Variants in RAB10 observed in about 807,000 individuals in gnomAD.
The protein encoded by RAB10 is ras-related protein Rab-10.
In RAB10, 5 loss-of-function variants were observed where a neutral mutation model predicts 25.7. That is an observed-to-expected ratio of 0.19 (90% CI 0.10 to 0.41). The LOEUF is 0.41. RAB10 is among the 10% of genes least tolerant of loss of function. RAB10 has a pLI of 1.00. For missense variants in RAB10, 103 were observed against 245.8 expected (o/e 0.42, Z 3.89); for synonymous variants, 89 against 86.4 (o/e 1.03, Z -0.16).
intron 1 of RAB10, among the ~76,000 whole-genome samples, chr2:26,084,243 C>T (rs191465890): frequency 6.6e-6 from 1 of 152,146 alleles, no homozygotes; most frequent in Non-Finnish European, 1.5e-5. Context: ...TCCTCCTGTT[C>T]TTGTTCATAG....
chr2:26,090,096 A>G lies in RAB10; in HGVS notation c.128-8566A>G, dbSNP rs140646310. ...GGTTGCTCTCTAGGCAATTTTGTCT[A>G]CCCTTTACTTCACACTGTTGAATGG... On this transcript the variant is annotated intron_variant, in intron 1 of 5. Transcript: ENST00000264710. Among the ~76,000 whole-genome samples, 520 of 152,150 alleles carry G rather than the reference A, an allele frequency of 3.4e-3. 4 individuals carry two copies. The highest frequency in any genetic ancestry group is 8.7e-3 in the African/African-American group (360 of 41,530).
intron 1 of RAB10, among the ~76,000 whole-genome samples, chr2:26,093,930 G>A (rs1210926738): frequency 6.6e-6 from 1 of 152,132 alleles, no homozygotes; most frequent in African/African-American, 2.4e-5. Context: ...GGTGTTAACT[G>A]TGTTGCTCAG....
Position 26,086,029 on chromosome 2 carries a change from A to G in RAB10, c.128-12633A>G, listed in dbSNP as rs1440511743. On this transcript the variant is annotated intron_variant, in intron 1 of 5. Coordinates refer to ENST00000264710, the MANE Select transcript of RAB10 (RefSeq NM_016131.5). ...AAAAAAAAAAAAAAGGGGGGGGGCAAAGGGGCCCGATGCGGTAGCTCACGC... is the reference window on the plus strand; with the variant it reads ...AAAAAAAAAAAAAAGGGGGGGGGCAGAGGGGCCCGATGCGGTAGCTCACGC... Among the ~76,000 whole-genome samples, 5 of 140,422 alleles carry G rather than the reference A, an allele frequency of 3.6e-5. No individual in the cohort carries two copies. The East Asian group carries it at 1.2e-3, about 33-fold the overall frequency. 92.1% of individuals were successfully genotyped at this position (140,422 alleles called of 152,430 possible).
At chr2:26,088,584 T>C (rs1488640637) in intron 1 of RAB10, among the ~76,000 whole-genome samples, 1 of 152,134 alleles carries the variant, frequency 6.6e-6, no homozygotes, top group Admixed American at 6.6e-5. Flanking sequence ...TATAAGCTTT[T>C]CCACCCTGTT....
chr2:26,131,775 A>G (rs1027224306), intron 5 of RAB10, among the ~76,000 whole-genome samples: 35 of 152,198 alleles, frequency 2.3e-4, no homozygotes, highest in African/African-American at 8.0e-4. Flanking sequence ...TCTTTTTAAC[A>G]GATGAGGTAA....
chr2:26,050,246 C>A (rs571074760), intron 1 of RAB10, among the ~76,000 whole-genome samples: 1 of 152,288 alleles, frequency 6.6e-6, no homozygotes, highest in South Asian at 2.1e-4. Context: ...GAGTGTTTGA[C>A]AAGGCATAGA....
chr2:26,083,812 C>T (rs564308133), intron 1 of RAB10, among the ~76,000 whole-genome samples: 1 of 152,140 alleles, frequency 6.6e-6, no homozygotes. Context: ...AGCAGCTGCA[C>T]CTGCTTAATC....
In RAB10 at chr2:26,085,424, GGTT is replaced by G. The variant is rs563115348; in HGVS notation, c.128-13235_128-13233del. Among the ~76,000 whole-genome samples, 627 of 151,574 alleles carry G rather than the reference GGTT, an allele frequency of 4.1e-3. 3 individuals carry two copies. The highest frequency in any genetic ancestry group is 0.015 in the African/African-American group (605 of 41,280). ...AGAATCGCTTGATCTGGGAGGCAGA[GGTT>G]GTGATGAGCTGAGATTGCGCCACTG... is the stretch of plus-strand genomic sequence containing the variant. On this transcript the variant is annotated intron_variant, in intron 1 of 5. Coordinates refer to ENST00000264710, the MANE Select transcript of RAB10 (RefSeq NM_016131.5).
intron 3 of RAB10, among the ~76,000 whole-genome samples, chr2:26,113,347 G>A (rs1241264380): frequency 6.6e-6 from 1 of 152,104 alleles, no homozygotes; most frequent in Non-Finnish European, 1.5e-5. Flanking sequence ...GCCGAGGCAA[G>A]TGGATCACCT....
At chr2:26,105,254 A>G (rs1326174423) in intron 2 of RAB10, among the ~76,000 whole-genome samples, 1 of 152,178 alleles carries the variant, frequency 6.6e-6, no homozygotes, top group African/African-American at 2.4e-5. Flanking sequence ...TCATCTCTGA[A>G]TCTTAGAATG....
At chr2:26,097,617 C>A (rs1288703660) in intron 1 of RAB10, among the ~76,000 whole-genome samples, 2 of 152,162 alleles carry the variant, frequency 1.3e-5, no homozygotes, top group African/African-American at 4.8e-5. Context: ...TCTTTTACGA[C>A]CCTTATGTTT....
chr2:26,056,994 G>A (rs1025200352), intron 1 of RAB10, among the ~76,000 whole-genome samples: 7 of 152,150 alleles, frequency 4.6e-5, no homozygotes, highest in South Asian at 2.1e-4. Flanking sequence ...ATATAGAGGC[G>A]TCGTGAGTGG....
chr2:26,093,433 G>A (rs938183952), intron 1 of RAB10, among the ~76,000 whole-genome samples: 2 of 151,992 alleles, frequency 1.3e-5, no homozygotes, highest in African/African-American at 2.4e-5. Context: ...CACATAACAG[G>A]TTTTAATTAT....
intron 1 of RAB10, among the ~76,000 whole-genome samples, chr2:26,048,340 G>C (rs1050436636): frequency 6.6e-6 from 1 of 152,122 alleles, no homozygotes; most frequent in Admixed American, 6.6e-5. Context: ...CAGTGTATGA[G>C]TGCACTTTCT....
chr2:26,116,018 C>A (rs1667681813), intron 3 of RAB10, among the ~76,000 whole-genome samples: 1 of 151,920 alleles, frequency 6.6e-6, no homozygotes, highest in Admixed American at 6.6e-5. Context: ...TGCTGCCACG[C>A]CCGGCTAATT....
chr2:26,127,493 C>T (rs998687432), intron 4 of RAB10, among the ~76,000 whole-genome samples: 2 of 151,992 alleles, frequency 1.3e-5, no homozygotes, highest in Non-Finnish European at 2.9e-5. Flanking sequence ...CATTAATCCT[C>T]GGTTTTTAAA....
At position 26,136,341 on chromosome 2, in the gene RAB10, T is replaced by G. The variant is rs1574568260; in HGVS notation, c.*1320T>G. 14 of 152,708 alleles carry G rather than the reference T, an allele frequency of 9.2e-5. No homozygotes were observed. In the South Asian group the frequency reaches 2.9e-3, roughly 32 times the overall value. 9.5% of individuals were successfully genotyped at this position (152,708 alleles called of 1,614,324 possible). A position where few individuals can be genotyped will look rare whatever the true frequency, so the allele number is the denominator to read the frequency against. ...TTGAGATTTGGCCTCTGAAGAACAC[T>G]TTTTCAGTGTTAAGTTTCTTTACCT... On this transcript the variant is annotated 3_prime_UTR_variant, in exon 6 of 6. Coordinates refer to ENST00000264710, the MANE Select transcript of RAB10 (RefSeq NM_016131.5).
intron 1 of RAB10, among the ~76,000 whole-genome samples, chr2:26,095,915 A>C (rs910510494): frequency 6.6e-6 from 1 of 152,144 alleles, no homozygotes; most frequent in Non-Finnish European, 1.5e-5. Context: ...GTCTCCAAAA[A>C]ACAAAACAGA....
At chr2:26,053,869 G>C (rs1039850619) in intron 1 of RAB10, among the ~76,000 whole-genome samples, 6 of 150,734 alleles carry the variant, frequency 4.0e-5, no homozygotes, top group African/African-American at 1.2e-4. Context: ...ACAGGCGTGT[G>C]CCACCACGCC....
Sources: allele counts gnomAD v4.1 joint callset (sites outside exome capture counted in the v4.1 genomes callset), GRCh38; gene constraint gnomAD v4.1.1; transcripts MANE v1.5; gene names NCBI Gene and HGNC (gene_info 2026-07-23, HGNC 2026-07-21).